Variants in RBFOX1 observed in about 807,000 individuals in gnomAD.
The protein encoded by RBFOX1 is RNA binding fox-1 homolog 1, also known as RNA binding protein fox-1 homolog 1.
In RBFOX1, 8 loss-of-function variants were observed where a neutral mutation model predicts 57.7. The ratio of observed to expected loss-of-function variants is 0.14; its 90% CI spans 0.08 to 0.25. The LOEUF (loss-of-function observed/expected upper bound fraction) is 0.25. RBFOX1 is among the 10% of genes least tolerant of loss of function. RBFOX1 has a pLI of 1.00. For missense variants in RBFOX1, 611 were observed against 548.5 expected (o/e 1.11, Z -1.14); for synonymous variants, 326 against 222.4 (o/e 1.47, Z -4.15).
At chr16:5,949,516 A>T in intron 4 of RBFOX1, among the ~76,000 whole-genome samples, 1 of 119,222 alleles carries the variant, frequency 8.4e-6, no homozygotes, top group Non-Finnish European at 1.7e-5. Flanking sequence ...GCAGTGCGAG[A>T]GTCCATCTCA....
rs142207448 is a variant in RBFOX1, at chr16:6,814,986, C to T, written c.-16+160336C>T. On this transcript the variant is annotated intron_variant, in intron 3 of 15. Coordinates refer to ENST00000550418, the MANE Select transcript of RBFOX1 (RefSeq NM_018723.4). ...CTACAGGCAGAGCAGTGGTATGGGC[C>T]GCCCAGCTGCTCATCCTTATCATTA... Among the ~76,000 whole-genome samples the T allele has an allele frequency of 2.6e-3, 399 of 152,190 alleles. 2 individuals carry two copies. Among genetic ancestry groups the T allele is most frequent in the Middle Eastern group, 0.017 (5 of 294 alleles).
chr16:5,497,803 T>C (rs1181075383), intron 2 of RBFOX1, among the ~76,000 whole-genome samples: 1 of 151,702 alleles, frequency 6.6e-6, no homozygotes, highest in Admixed American at 6.6e-5. Flanking sequence ...AAAAGAAAAG[T>C]TTACAGATTC....
At position 6,955,079 on chromosome 16, in the gene RBFOX1, A is replaced by AAC. The variant is rs1555675132; in HGVS notation, c.-15-96972_-15-96971dup. Among the ~76,000 whole-genome samples the AAC allele has an allele frequency of 4.8e-4, 67 of 140,236 alleles. 1 individual carries two copies. The highest frequency in any genetic ancestry group is 7.2e-3 in the Middle Eastern group (2 of 278). 92.0% of individuals were successfully genotyped at this position (140,236 alleles called of 152,430 possible). ...AACCCCATCTCTACAAAAAAAAAAA[A>AAC]ACACACAAAAAATTAGCTGGGCATG... is the stretch of plus-strand genomic sequence containing the variant. On this transcript the variant is annotated intron_variant, in intron 3 of 15. Transcript: ENST00000550418.
chr16:5,813,519 C>T (rs1017664936), intron 3 of RBFOX1, among the ~76,000 whole-genome samples: 1 of 152,178 alleles, frequency 6.6e-6, no homozygotes, highest in East Asian at 1.9e-4. Flanking sequence ...TATGGATAAA[C>T]CTTGTACATA....
intron 2 of RBFOX1, among the ~76,000 whole-genome samples, chr16:6,521,451 G>T (rs191099170): frequency 3.6e-5 from 2 of 55,512 alleles, no homozygotes; most frequent in Admixed American, 2.7e-4. Context: ...CTCCCCTCCC[G>T]TCCCCTCTCC....
At chr16:6,916,941 C>A (rs972166223) in intron 3 of RBFOX1, among the ~76,000 whole-genome samples, 1 of 152,162 alleles carries the variant, frequency 6.6e-6, no homozygotes, top group African/African-American at 2.4e-5. Context: ...CCTCCACCTT[C>A]CAGGTTCAAG....
intron 3 of RBFOX1, among the ~76,000 whole-genome samples, chr16:5,624,037 G>A (rs1349953876): frequency 6.6e-6 from 1 of 152,224 alleles, no homozygotes; most frequent in African/African-American, 2.4e-5. Context: ...ACTGAGAAGA[G>A]CAGGGCAGAT....
intron 5 of RBFOX1, among the ~76,000 whole-genome samples, chr16:7,527,103 G>GTGGCTT (rs539544218): frequency 3.3e-4 from 51 of 152,306 alleles, no homozygotes; most frequent in Non-Finnish European, 4.6e-4. Flanking sequence ...ACATGTTTCG[G>GTGGCTT]TGGCTTCAAA....
intron 2 of RBFOX1, among the ~76,000 whole-genome samples, chr16:6,494,338 G>A (rs749952776): frequency 3.3e-5 from 5 of 152,082 alleles, no homozygotes; most frequent in South Asian, 2.1e-4. Flanking sequence ...CCATCCTGAG[G>A]TTCCATTTGT....
At chr16:7,048,127 G>A (rs927614255) in intron 3 of RBFOX1, among the ~76,000 whole-genome samples, 3 of 151,986 alleles carry the variant, frequency 2.0e-5, no homozygotes, top group Admixed American at 6.6e-5. Context: ...GATCCGACCC[G>A]CTTGGCTTCC....
intron 3 of RBFOX1, among the ~76,000 whole-genome samples, chr16:6,917,117 C>T (rs2153446912): frequency 6.6e-6 from 1 of 152,312 alleles, no homozygotes; most frequent in South Asian, 2.1e-4. Context: ...TCCCAGAGTG[C>T]TGGGGTTACA....
chr16:6,549,146 GAAGGAGGAGGGGGGGGGA>G (rs1567641220), intron 2 of RBFOX1, among the ~76,000 whole-genome samples: 3 of 20,284 alleles, frequency 1.5e-4, no homozygotes, highest in Non-Finnish European at 2.7e-4. Flanking sequence ...GAGGAGGAGG[GAAGGAGGAGGGGGGGGGA>G]AGGAGGAGGA....
At chr16:6,396,809 G>A (rs2152944660) in intron 2 of RBFOX1, among the ~76,000 whole-genome samples, 1 of 151,970 alleles carries the variant, frequency 6.6e-6, no homozygotes, top group South Asian at 2.1e-4. Context: ...AAAAAATGTT[G>A]GAATTAACAG....
intron 3 of RBFOX1, among the ~76,000 whole-genome samples, chr16:5,717,429 T>A (rs1222166267): frequency 6.6e-6 from 1 of 152,182 alleles, no homozygotes; most frequent in Non-Finnish European, 1.5e-5. Context: ...AATGGTAATT[T>A]CTGAGATTTT....
chr16:5,928,354 A>T (rs1350024435), intron 4 of RBFOX1, among the ~76,000 whole-genome samples: 1 of 151,728 alleles, frequency 6.6e-6, no homozygotes, highest in East Asian at 1.9e-4. Flanking sequence ...AAGTGTTGGG[A>T]TTATAGGCAG....
intron 4 of RBFOX1, among the ~76,000 whole-genome samples, chr16:7,063,361 A>G (rs952334820): frequency 6.6e-6 from 1 of 152,108 alleles, no homozygotes; most frequent in Non-Finnish European, 1.5e-5. Flanking sequence ...TCAAAGATAT[A>G]TCAGTATCAG....
chr16:6,513,654 A>C (rs1318373031), intron 2 of RBFOX1, among the ~76,000 whole-genome samples: 2 of 152,152 alleles, frequency 1.3e-5, no homozygotes, highest in African/African-American at 2.4e-5. Flanking sequence ...GAATCACTTG[A>C]ACTTGGGAGG....
At chr16:6,285,768 CTG>C (rs1288915598) in intron 1 of RBFOX1, among the ~76,000 whole-genome samples, 1 of 152,126 alleles carries the variant, frequency 6.6e-6, no homozygotes, top group Non-Finnish European at 1.5e-5. Flanking sequence ...TAGGTAGACT[CTG>C]TTTCTCTCCT....
chr16:5,371,936 C>T lies in RBFOX1; in HGVS notation c.220-95280C>T, dbSNP rs867686495. The stretch of plus-strand genomic sequence containing the variant: ...TAATCTTTCCTTCCTACCTTGAACC[C>T]AGCAGTGAGGCTTTTTTTCATGCCG... On this transcript the variant is annotated intron_variant, in intron 1 of 2. Coordinates refer to the RBFOX1 transcript ENST00000585867. Among the ~76,000 whole-genome samples the T allele has an allele frequency of 3.5e-4, 54 of 152,162 alleles. 1 individual carries two copies. The highest frequency in any genetic ancestry group is 1.2e-3 in the African/African-American group (50 of 41,434).
Sources: allele counts gnomAD v4.1 joint callset (sites outside exome capture counted in the v4.1 genomes callset), GRCh38; gene constraint gnomAD v4.1.1; transcripts MANE v1.5; gene names NCBI Gene and HGNC (gene_info 2026-07-23, HGNC 2026-07-21).